Variants in RGS12 observed in about 807,000 individuals in gnomAD.
RGS12 encodes regulator of G-protein signaling 12.
A neutral mutation model predicts 120.1 loss-of-function variants in RGS12; 66 were observed. That is an observed-to-expected ratio of 0.55 (90% confidence interval 0.45 to 0.67). The LOEUF is 0.67. Ranked by LOEUF, RGS12 falls within the 30% of genes least tolerant of loss-of-function variation. The pLI, the probability that RGS12 is intolerant of heterozygous loss-of-function variation, is 0.00. For synonymous variants in RGS12, 827 were observed against 804.7 expected, an observed-to-expected ratio of 1.03 and a Z score of -0.47; for missense variants, 1,859 against 1,957.7, an observed-to-expected ratio of 0.95 and a Z score of 0.95.
At chr4:3,346,433 C>G (rs1203976277) in intron 3 of RGS12, among the ~76,000 whole-genome samples, 1 of 152,204 alleles carries the variant, frequency 6.6e-6, no homozygotes, top group Non-Finnish European at 1.5e-5. Flanking sequence ...CAGCATGAAG[C>G]TGTCGGCTTC....
At chr4:3,354,173 C>G (rs1261335672) in intron 3 of RGS12, among the ~76,000 whole-genome samples, 5 of 152,098 alleles carry the variant, frequency 3.3e-5, no homozygotes, top group Admixed American at 1.3e-4. Flanking sequence ...TGCTGGCTGC[C>G]CAGCCAGCTT....
intron 4 of RGS12, among the ~76,000 whole-genome samples, chr4:3,399,510 G>A (rs1036693244): frequency 2.0e-5 from 3 of 152,022 alleles, no homozygotes; most frequent in Admixed American, 1.3e-4. Context: ...TGAAAGACAG[G>A]TCCTAAGTAC....
chr4:3,357,543 T>C (rs1282923828), intron 3 of RGS12, among the ~76,000 whole-genome samples: 2 of 152,188 alleles, frequency 1.3e-5, no homozygotes, highest in Non-Finnish European at 2.9e-5. Flanking sequence ...AATTTTTGTA[T>C]ATGGTGTTAG....
chr4:3,439,342 A>G (rs1725114244), intron 17 of RGS12, 113 bp from the exon 18 acceptor site: 1 of 1,072,010 alleles, frequency 9.3e-7, no homozygotes, highest in South Asian at 1.3e-5. Flanking sequence ...TGTTTGGGAT[A>G]TTTCAGGGAC....
At chr4:3,305,668 A>C (rs1370610373) in intron 1 of RGS12, among the ~76,000 whole-genome samples, 1 of 151,894 alleles carries the variant, frequency 6.6e-6, no homozygotes, top group African/African-American at 2.4e-5. Flanking sequence ...TCCGAGACCC[A>C]GCCTGGCAGA....
rs541544286 is a variant in RGS12 at position 3,411,126 on chromosome 4, A to C, written c.2021-2946A>C. Among the ~76,000 whole-genome samples the C allele has an allele frequency of 2.0e-5, 3 of 152,266 alleles. No individual in the cohort carries two copies. The East Asian group carries it at 5.8e-4, about 29-fold the overall frequency. On this transcript the variant is annotated intron_variant, in intron 4 of 17. Transcript: ENST00000336727. ...CTGGTATTTCTCTAATTTACACTTA[A>C]ATCTTTGATTCATTGGGATTTGTTT... is the stretch of plus-strand genomic sequence containing the variant.
At chr4:3,399,813 G>A (rs1283372470) in intron 4 of RGS12, among the ~76,000 whole-genome samples, 1 of 152,238 alleles carries the variant, frequency 6.6e-6, no homozygotes, top group Non-Finnish European at 1.5e-5. Context: ...TAACAAAGCA[G>A]ATGTTCATTT....
intron 2 of RGS12, among the ~76,000 whole-genome samples, chr4:3,333,944 C>T (rs1030433951): frequency 1.3e-5 from 2 of 152,284 alleles, no homozygotes; most frequent in East Asian, 3.9e-4. Context: ...CTCATTTTGG[C>T]TTATTTCAGT....
At chr4:3,403,210 A>T (rs1014381342) in intron 4 of RGS12, among the ~76,000 whole-genome samples, 2 of 152,238 alleles carry the variant, frequency 1.3e-5, no homozygotes, top group African/African-American at 4.8e-5. Context: ...GCTCTGCCAG[A>T]ATAGTTATAA....
At chr4:3,395,207 T>TAAA (rs572783032) in intron 4 of RGS12, among the ~76,000 whole-genome samples, 7 of 135,618 alleles carry the variant, frequency 5.2e-5, no homozygotes, top group African/African-American at 1.9e-4. Flanking sequence ...AGAGTCCATC[T>TAAA]AAAAAAAAAA....
intron 17 of RGS12, among the ~76,000 whole-genome samples, chr4:3,439,138 C>T (rs1001813705): frequency 8.0e-5 from 12 of 150,210 alleles, no homozygotes; most frequent in African/African-American, 2.5e-4. Flanking sequence ...GCAGTTGGGG[C>T]GGGGGCTCTG....
chr4:3,286,378 C>T, the RGS12 span, among the ~76,000 whole-genome samples: 1 of 152,174 alleles, frequency 6.6e-6, no homozygotes, highest in Non-Finnish European at 1.5e-5. Flanking sequence ...CTCCTCCGGC[C>T]CTGAAAGCTC....
At chr4:3,326,041 A>G (rs943861121) in intron 2 of RGS12, among the ~76,000 whole-genome samples, 3 of 152,228 alleles carry the variant, frequency 2.0e-5, no homozygotes, top group Non-Finnish European at 4.4e-5. Context: ...AAGGCCATCT[A>G]TGACAAACCC....
chr4:3,310,137 C>T (rs1320219228), intron 1 of RGS12, among the ~76,000 whole-genome samples: 2 of 139,092 alleles, frequency 1.4e-5, no homozygotes, highest in Non-Finnish European at 3.0e-5. Flanking sequence ...GAGCTGGGGC[C>T]TGGGAATGGC....
At position 3,366,918 on chromosome 4, in the gene RGS12, C is replaced by T. The variant is rs994508343; in HGVS notation, c.1999-19498C>T. 6.6e-5 allele frequency among the ~76,000 whole-genome samples: 10 copies of T among 152,216 alleles called. No homozygotes were observed. The highest frequency in any genetic ancestry group is 2.4e-4 in the African/African-American group (10 of 41,460). On this transcript the variant is annotated intron_variant, in intron 3 of 17. Coordinates refer to ENST00000336727, the MANE Select transcript of RGS12 (RefSeq NM_001394154.1). The surrounding 1 kb of genome is among the most constrained non-coding windows in gnomAD (Gnocchi z 4.0). ...CAGTTAGCCAGGCCTCTCCTGGCCC[C>T]AGGACATAGCCCACGTGGGTCCTCA...
rs1713944814 is a variant in RGS12, at chr4:3,347,626, G to A, written c.1998+4573G>A. ...CAAATTCATCTGTTTCCTTATTAGAGTTCTGAAGAATTTTCAGTTAGTCTG... is the reference window on the plus strand; with the variant it reads ...CAAATTCATCTGTTTCCTTATTAGAATTCTGAAGAATTTTCAGTTAGTCTG... On this transcript the variant is annotated intron_variant, in intron 3 of 17. Transcript: ENST00000336727. Among the ~76,000 whole-genome samples the A allele has an allele frequency of 4.6e-5, 7 of 152,286 alleles. No homozygotes were observed. In the South Asian group the frequency reaches 1.5e-3, roughly 32 times the overall value.
chr4:3,339,514 G>A (rs1033524841), intron 2 of RGS12, among the ~76,000 whole-genome samples: 22 of 152,112 alleles, frequency 1.4e-4, no homozygotes, highest in Non-Finnish European at 4.4e-5. Flanking sequence ...TCTTATCACT[G>A]TCCATCTAAA....
At chr4:3,412,161 T>C (rs1721803704) in intron 4 of RGS12, among the ~76,000 whole-genome samples, 1 of 152,286 alleles carries the variant, frequency 6.6e-6, no homozygotes, top group Admixed American at 6.5e-5. Flanking sequence ...TTTTTTAATC[T>C]AAATGCTCTT....
intron 9 of RGS12, chr4:3,419,640 G>A (rs928760481): frequency 6.6e-6 from 1 of 152,068 alleles, no homozygotes; most frequent in African/African-American, 2.4e-5. Flanking sequence ...AACACAGCAA[G>A]ACACTCATCT....
Sources: gnomAD v4.1 joint callset for allele counts (sites outside exome capture counted in the v4.1 genomes callset) on GRCh38, gnomAD v4.1.1 for gene constraint, Gnocchi (gnomAD v3.1) non-coding constraint, MANE v1.5 for transcripts, NCBI Gene and HGNC (gene_info 2026-07-23, HGNC 2026-07-21) for gene names.